The following CEP85L variants were observed in gnomAD, a reference collection of about 807,000 sequenced individuals.
CEP85L encodes the protein centrosomal protein 85L, also known as centrosomal protein of 85 kDa-like.
A neutral mutation model predicts 100.3 loss-of-function variants in CEP85L; 60 were observed. The ratio of observed to expected loss-of-function variants is 0.60; its 90% confidence interval spans 0.49 to 0.74. The LOEUF (loss-of-function observed/expected upper bound fraction) is 0.74, where lower values mean the gene tolerates loss of function less well. Among genes scored for constraint, CEP85L ranks in the 30% least tolerant of loss-of-function variants. CEP85L has a pLI of 0.00. For missense variants in CEP85L, 973 were observed against 936.2 expected, an observed-to-expected ratio of 1.04 and a Z score of -0.51; for synonymous variants, 319 against 322.7, an observed-to-expected ratio of 0.99 and a Z score of 0.12.
intron 5 of CEP85L, 86 bp from the exon 6 acceptor site, chr6:118,491,951 G>A (rs1455719321): frequency 3.0e-6 from 3 of 985,002 alleles, no homozygotes; most frequent in South Asian, 1.7e-5. Flanking sequence ...TATAATATAA[G>A]GAGTACATAT....
chr6:118,558,071 C>A (rs1778983522), intron 3 of CEP85L, among the ~76,000 whole-genome samples: 1 of 151,730 alleles, frequency 6.6e-6, no homozygotes, highest in Non-Finnish European at 1.5e-5. Context: ...CTCCAGCGAT[C>A]CTCCCAAGTA....
chr6:118,677,785 C>T (rs1485148262), intron 1 of CEP85L, among the ~76,000 whole-genome samples: 1 of 152,152 alleles, frequency 6.6e-6, no homozygotes, highest in African/African-American at 2.4e-5. Context: ...TTACCATGCC[C>T]ACCACCTATA....
intron 7 of CEP85L, among the ~76,000 whole-genome samples, chr6:118,482,425 G>A (rs1439615375): frequency 6.6e-6 from 1 of 151,966 alleles, no homozygotes; most frequent in African/African-American, 2.4e-5. Flanking sequence ...GAATTCTTAA[G>A]GTATCTCATT....
intron 2 of CEP85L, among the ~76,000 whole-genome samples, chr6:118,630,721 G>A (rs1456529793): frequency 6.6e-6 from 1 of 152,174 alleles, no homozygotes; most frequent in East Asian, 1.9e-4. Context: ...TAATGCAGGG[G>A]TCCCCAAACC....
chr6:118,651,150 G>A, intron 1 of CEP85L, 47 bp downstream of exon 1: 1 of 1,466,352 alleles, frequency 6.8e-7, no homozygotes, highest in East Asian at 3.0e-5. Flanking sequence ...AGGCGCCGCG[G>A]TCGGCCGTGA....
rs1773539473 is a variant in CEP85L, at chr6:118,478,330, G to C, written c.1914+1541C>G. Among the ~76,000 whole-genome samples, 3 of 152,118 alleles carry C rather than the reference G, an allele frequency of 2.0e-5. No homozygotes were observed. In the South Asian group the frequency reaches 6.2e-4, roughly 31 times the overall value. ...GATGAGGGGCCAAAAAATAACATGA[G>C]TTTAAAACTAGTAAATAATTTTCTC... On this transcript the variant is annotated intron_variant, in intron 10 of 12. Transcript: ENST00000368491.
chr6:118,594,876 CAAAACA>C (rs1781382979), intron 2 of CEP85L, among the ~76,000 whole-genome samples: 1 of 121,250 alleles, frequency 8.2e-6, no homozygotes, highest in Non-Finnish European at 1.8e-5. Flanking sequence ...ACAAACAAAA[CAAAACA>C]AAAAAAAAAA....
At chr6:118,670,971 C>A (rs182726409) in intron 1 of CEP85L, among the ~76,000 whole-genome samples, 5 of 143,856 alleles carry the variant, frequency 3.5e-5, no homozygotes, top group South Asian at 4.4e-4. Context: ...AAAAAAAAAA[C>A]ACTGTGTTTT....
At chr6:118,589,111 T>C (rs1242384137) in intron 2 of CEP85L, 1 of 307,452 alleles carries the variant, frequency 3.3e-6, no homozygotes, top group Non-Finnish European at 6.8e-6. Context: ...CCAGGGATGA[T>C]GCTCAGATAT....
intron 5 of CEP85L, among the ~76,000 whole-genome samples, chr6:118,503,282 G>A (rs1404990330): frequency 6.6e-6 from 1 of 152,140 alleles, no homozygotes; most frequent in African/African-American, 2.4e-5. Context: ...TTCTAAAAAT[G>A]TTCTAAGAAG....
At chr6:118,500,541 T>G (rs559158755) in intron 5 of CEP85L, among the ~76,000 whole-genome samples, 19 of 71,822 alleles carry the variant, frequency 2.6e-4, no homozygotes, top group African/African-American at 1.0e-3. Flanking sequence ...CCTCTCTTTC[T>G]CGTTATCTCT....
At chr6:118,605,591 T>C (rs1259476464) in intron 2 of CEP85L, among the ~76,000 whole-genome samples, 1 of 152,198 alleles carries the variant, frequency 6.6e-6, no homozygotes, top group Non-Finnish European at 1.5e-5. Flanking sequence ...CATGTGCTTT[T>C]AATTCCTGGG....
intron 2 of CEP85L, among the ~76,000 whole-genome samples, chr6:118,608,033 G>A (rs1340831145): frequency 4.6e-5 from 7 of 152,054 alleles, no homozygotes; most frequent in Admixed American, 3.9e-4. Context: ...AGAAAGTAAA[G>A]GAATAAAAGG....
intron 2 of CEP85L, among the ~76,000 whole-genome samples, chr6:118,606,132 G>A (rs935672934): frequency 6.6e-6 from 1 of 151,792 alleles, no homozygotes; most frequent in Non-Finnish European, 1.5e-5. Context: ...AAAAATAAAG[G>A]CCTGTTAAAT....
rs1774546839 is a variant in CEP85L at position 118,637,233 on chromosome 6, A to C, written c.74-4622T>G. Among the ~76,000 whole-genome samples the C allele has an allele frequency of 2.0e-5, 3 of 152,128 alleles. No homozygotes were observed. The South Asian group carries it at 6.2e-4, about 32-fold the overall frequency. ...TCATTCCGCCCCTCTAGAAACCCTAAATTCTATCTTTGAATCACAGAGCAG... is the reference window on the plus strand; with the variant it reads ...TCATTCCGCCCCTCTAGAAACCCTACATTCTATCTTTGAATCACAGAGCAG... On this transcript the variant is annotated intron_variant, in intron 1 of 12. Transcript: ENST00000368491.
At chr6:118,625,123 G>T (rs900752992) in intron 2 of CEP85L, among the ~76,000 whole-genome samples, 2 of 152,078 alleles carry the variant, frequency 1.3e-5, no homozygotes, top group South Asian at 4.2e-4. Flanking sequence ...CAGCCACACA[G>T]GCCTCAAATC....
rs997526977 is a variant in CEP85L at position 118,464,688 on chromosome 6, A to G, written c.*717T>C. ...TGTTAACCTTTCTTGTAACACATAC[A>G]TTACAATGCTAAGGAAAAAGAGCAT... On this transcript the variant is annotated 3_prime_UTR_variant, in exon 13 of 13. Transcript: ENST00000368491. 9 of 152,136 alleles carry G rather than the reference A, an allele frequency of 5.9e-5. No homozygotes were observed. Among genetic ancestry groups the G allele is most frequent in the Non-Finnish European group, 1.2e-4 (8 of 68,004 alleles). 9.4% of individuals were successfully genotyped at this position (152,136 alleles called of 1,614,324 possible).
At chr6:118,551,557 T>C (rs909916014) in intron 3 of CEP85L, among the ~76,000 whole-genome samples, 1 of 151,976 alleles carries the variant, frequency 6.6e-6, no homozygotes, top group Admixed American at 6.6e-5. Flanking sequence ...AAGGCAAACC[T>C]ACAGACAATA....
intron 1 of CEP85L, among the ~76,000 whole-genome samples, chr6:118,640,358 C>G (rs997652930): frequency 2.6e-5 from 4 of 152,156 alleles, no homozygotes; most frequent in Admixed American, 2.6e-4. Context: ...ACTGTGAAAC[C>G]AGGCTACCTG....
Sources: gnomAD v4.1 joint callset for allele counts (sites outside exome capture counted in the v4.1 genomes callset) on GRCh38, gnomAD v4.1.1 for gene constraint, MANE v1.5 for transcripts, NCBI Gene and HGNC (gene_info 2026-07-23, HGNC 2026-07-21) for gene names.